The following IYD variants were observed in gnomAD, a reference collection of about 807,000 sequenced individuals.
IYD encodes the protein iodotyrosine deiodinase 1.
Under a neutral mutation model 28.4 loss-of-function variants are expected in IYD, and 25 were observed. The ratio of observed to expected loss-of-function variants is 0.88; its 90% CI spans 0.64 to 1.23. The LOEUF is 1.23. Among genes scored for constraint, IYD ranks in the 50% most tolerant of loss-of-function variants. The pLI, the probability that IYD is intolerant of heterozygous loss-of-function variation, is 0.00. For missense variants in IYD, 352 were observed against 357.9 expected (o/e 0.98, Z 0.13); for synonymous variants, 140 against 130.8 (o/e 1.07, Z -0.48).
At chr6:150,394,010 T>G in intron 3 of IYD, 89 bp from the exon 4 acceptor site, 1 of 1,308,898 alleles carries the variant, frequency 7.6e-7, no homozygotes, top group Non-Finnish European at 1.1e-6. Context: ...AGTAAATATG[T>G]TTTTATTTTT....
rs557732058 is a variant in IYD at position 150,398,223 on chromosome 6, A to G, written c.856A>G (p.Met286Val). 3.7e-6 allele frequency: 6 copies of G among 1,613,956 alleles called. No homozygotes were observed. In the South Asian group the frequency reaches 6.6e-5, roughly 18 times the overall value. ...DLKRKPLDQI[M>V]VTV ...CAAGCGCAAACCTCTGGACCAGATCATGGTGACAGTGTAGGCAGGGCCCCC... is the reference window on the plus strand; with the variant it reads ...CAAGCGCAAACCTCTGGACCAGATCGTGGTGACAGTGTAGGCAGGGCCCCC... The change falls in exon 5 of 5, where the codon ATG (methionine) becomes GTG (valine). Residue 286 changes from methionine (M) to valine (V), a missense_variant. Met to Val is a conservative substitution (Grantham distance 21, BLOSUM62 1). Coordinates refer to ENST00000344419, the MANE Select transcript of IYD (RefSeq NM_203395.3).
chr6:150,369,282 G>T, intron 1 of IYD, 73 bp downstream of exon 1: 2 of 1,454,290 alleles, frequency 1.4e-6, no homozygotes, highest in Admixed American at 1.7e-5. Flanking sequence ...CAATGGCAGG[G>T]CTTATGGAGA....
In IYD at chr6:150,398,148, A is replaced by T. The variant is rs778854875; in HGVS notation, c.781A>T (p.Met261Leu). ...CCGCCCCGCACATGAAAAGCTGCTG[A>T]TGCTGCTCCCCGTGGGGTACCCCAG... The part of the protein sequence containing the change: ...LGRPAHEKLL[M>L]LLPVGYPSKE... Residue 261 changes from methionine to leucine, a missense_variant, in exon 5 of 5, where the codon ATG becomes TTG. Coordinates refer to ENST00000344419, the MANE Select transcript of IYD (RefSeq NM_203395.3). 6.2e-7 allele frequency: 1 copy of T among 1,614,026 alleles called. No individual in the cohort carries two copies. Among genetic ancestry groups the T allele is most frequent in the Non-Finnish European group, 8.5e-7 (1 of 1,180,028 alleles).
chr6:150,373,629 C>G (rs1222442521), intron 1 of IYD, among the ~76,000 whole-genome samples: 5 of 152,152 alleles, frequency 3.3e-5, no homozygotes, highest in South Asian at 2.1e-4. Flanking sequence ...CTTGAAGTCA[C>G]GCCATGGTGT....
intron 2 of IYD, among the ~76,000 whole-genome samples, chr6:150,390,956 G>C (rs1188039822): frequency 6.6e-6 from 1 of 152,112 alleles, no homozygotes; most frequent in Non-Finnish European, 1.5e-5. Context: ...TTCTCCAACT[G>C]GGCCCAGCGT....
chr6:150,396,777 G>A, intron 4 of IYD: 2 of 197,320 alleles, frequency 1.0e-5, no homozygotes, highest in South Asian at 1.3e-4. Context: ...GGGAGGCTGA[G>A]GCAGGAGAAT....
chr6:150,383,794 A>T (rs1241071887), intron 1 of IYD, among the ~76,000 whole-genome samples: 1 of 16,830 alleles, frequency 5.9e-5, no homozygotes, highest in South Asian at 1.1e-3. Flanking sequence ...CCAAGTCTCT[A>T]AAAAAAAAAA....
chr6:150,369,347 C>A, intron 1 of IYD, 138 bp downstream of exon 1: 2 of 800,908 alleles, frequency 2.5e-6, no homozygotes, highest in Non-Finnish European at 2.1e-6. Context: ...GCTAATGAAT[C>A]AGTGCTTGGC....
At chr6:150,376,756 G>A (rs912909389) in intron 1 of IYD, among the ~76,000 whole-genome samples, 3 of 152,072 alleles carry the variant, frequency 2.0e-5, no homozygotes, top group East Asian at 3.9e-4. Flanking sequence ...CTCTTGAGTA[G>A]CTAGGACTAC....
At chr6:150,376,193 G>A (rs891534447) in intron 1 of IYD, among the ~76,000 whole-genome samples, 1 of 152,082 alleles carries the variant, frequency 6.6e-6, no homozygotes, top group African/African-American at 2.4e-5. Flanking sequence ...TATACAGTTT[G>A]GGCCAAAACT....
At chr6:150,389,658 T>G (rs1778037256) in intron 2 of IYD, 115 bp downstream of exon 2, 1 of 973,600 alleles carries the variant, frequency 1.0e-6, no homozygotes, top group Non-Finnish European at 1.6e-6. Flanking sequence ...GTGATATGTT[T>G]ATCTATAAAG....
intron 1 of IYD, among the ~76,000 whole-genome samples, chr6:150,382,550 A>G (rs541992612): frequency 1.1e-3 from 159 of 149,032 alleles, no homozygotes; most frequent in Non-Finnish European, 1.7e-3. Flanking sequence ...CCTCTGGCCC[A>G]TTTCCTCTCT....
At chr6:150,393,104 T>G (rs988508321) in intron 3 of IYD, among the ~76,000 whole-genome samples, 2 of 152,222 alleles carry the variant, frequency 1.3e-5, no homozygotes, top group Non-Finnish European at 2.9e-5. Flanking sequence ...TGTGTTGATA[T>G]TTCCATGATT....
intron 1 of IYD, among the ~76,000 whole-genome samples, chr6:150,379,411 C>A (rs914184386): frequency 6.6e-6 from 1 of 152,210 alleles, no homozygotes; most frequent in South Asian, 2.1e-4. Flanking sequence ...AATCCCCAGC[C>A]TCTTTCTTAT....
chr6:150,376,554 G>T (rs1441979725), intron 1 of IYD, among the ~76,000 whole-genome samples: 3 of 152,166 alleles, frequency 2.0e-5, no homozygotes, highest in Non-Finnish European at 4.4e-5. Flanking sequence ...TGCAGGTAAA[G>T]TTCCCCAGGT....
intron 1 of IYD, among the ~76,000 whole-genome samples, chr6:150,383,809 C>G (rs28735767): frequency 2.4e-4 from 16 of 67,774 alleles, no homozygotes; most frequent in Non-Finnish European, 3.5e-4. Flanking sequence ...AAAAAAAAAA[C>G]AAAAACAAAA....
Position 150,395,584 on chromosome 6 carries a change from A to G in IYD, c.687+1329A>G. 2.0e-6 allele frequency: 3 copies of G among 1,533,846 alleles called. No homozygotes were observed. In the South Asian group the frequency reaches 3.6e-5, roughly 18 times the overall value. ...CTGCCCAGGTGCCTCTGCAGCAGGC[A>G]GTCTTTTTCACTTTGCCATTGAGTT... On this transcript the variant is annotated intron_variant, in intron 4 of 4. Coordinates refer to ENST00000344419, the MANE Select transcript of IYD (RefSeq NM_203395.3).
rs1375523517 is a variant in IYD at position 150,404,129 on chromosome 6, A to T, written c.*5892A>T. 4 of 152,148 alleles carry T rather than the reference A, an allele frequency of 2.6e-5. No homozygotes were observed. Among genetic ancestry groups the T allele is most frequent in the Non-Finnish European group, 5.9e-5 (4 of 68,012 alleles). The allele number at this position is 152,148 out of a possible 1,614,324, so 9.4% of individuals were successfully genotyped here. A position where few individuals can be genotyped will look rare whatever the true frequency, so the allele number is the denominator to read the frequency against. On this transcript the variant is annotated 3_prime_UTR_variant, in exon 5 of 5. Transcript: ENST00000344419. ...ATCCTAAGCAACCTCTGCTCATCTGAGTTGTCCACCATATTGTGGGCATGA... is the reference window on the plus strand; with the variant it reads ...ATCCTAAGCAACCTCTGCTCATCTGTGTTGTCCACCATATTGTGGGCATGA...
In IYD at chr6:150,402,771, C is replaced by T. The variant is rs1012218722; in HGVS notation, c.*4534C>T. The T allele has an allele frequency of 2.0e-5, 3 of 152,182 alleles. No homozygotes were observed. The highest frequency in any genetic ancestry group is 7.2e-5 in the African/African-American group (3 of 41,444). 9.4% of individuals were successfully genotyped at this position (152,182 alleles called of 1,614,324 possible). On this transcript the variant is annotated 3_prime_UTR_variant, in exon 5 of 5. Transcript: ENST00000344419. ...ACTTCCATCAAGGAGTACTGGAGGA[C>T]AGTTCAGTATTTCTTCTTATTTGCT...
Sources: gnomAD v4.1 joint callset for allele counts (sites outside exome capture counted in the v4.1 genomes callset) on GRCh38, gnomAD v4.1.1 for gene constraint, MANE v1.5 for transcripts, NCBI Gene and HGNC (gene_info 2026-07-23, HGNC 2026-07-21) for gene names.